The following OR2T6 variants were observed in gnomAD, a reference collection of about 807,000 sequenced individuals.
OR2T6 encodes the protein olfactory receptor 2T6.
For missense variants in OR2T6, 424 were observed against 391.6 expected (o/e 1.08, Z -0.70); for synonymous variants, 174 against 148.0 (o/e 1.18, Z -1.27).
At position 248,391,669 on chromosome 1, in the gene OR2T6, C is replaced by A. The variant is rs1450277821; in HGVS notation, c.*3134C>A. ...ATCAAAATTGATTCATCTATTGTAA[C>A]AAATGTACTACACTAATGCCAGATG... On this transcript the variant is annotated 3_prime_UTR_variant, in exon 3 of 3. Coordinates refer to ENST00000641644, the MANE Select transcript of OR2T6 (RefSeq NM_001005471.2). The A allele has an allele frequency of 6.6e-6, 1 of 152,050 alleles. No individual in the cohort carries two copies. The highest frequency in any genetic ancestry group is 1.5e-5 in the Non-Finnish European group (1 of 68,024). The allele number at this position is 152,050 out of a possible 1,614,324, so 9.4% of individuals were successfully genotyped here. A position where few individuals can be genotyped will look rare whatever the true frequency, so the allele number is the denominator to read the frequency against.
In OR2T6 at chr1:248,389,325, C is replaced by A. The variant is rs1359362220; in HGVS notation, c.*790C>A. On this transcript the variant is annotated 3_prime_UTR_variant, in exon 3 of 3. Coordinates refer to ENST00000641644, the MANE Select transcript of OR2T6 (RefSeq NM_001005471.2). ...CTAGCATTTTTAAACTTTTGGGATC[C>A]CTGTGCAGATGTTAGTGTTGTTGGA... The A allele has an allele frequency of 6.6e-6, 1 of 152,024 alleles. No homozygotes were observed. Among genetic ancestry groups the A allele is most frequent in the African/African-American group, 2.4e-5 (1 of 41,384 alleles). The allele number at this position is 152,024 out of a possible 1,614,324, so 9.4% of individuals were successfully genotyped here.
chr1:248,377,680 C>A (rs1412228360), intron 1 of OR2T6, among the ~76,000 whole-genome samples: 1 of 152,216 alleles, frequency 6.6e-6, no homozygotes, highest in Non-Finnish European at 1.5e-5. Context: ...GCATGAAATA[C>A]AAAGTTCATA....
At chr1:248,383,907 C>T (rs368468833) in intron 1 of OR2T6, among the ~76,000 whole-genome samples, 4 of 46,046 alleles carry the variant, frequency 8.7e-5, no homozygotes, top group Admixed American at 2.1e-4. Flanking sequence ...TCATCCTCTC[C>T]TGAAGTGTTT....
chr1:248,378,970 C>T (rs1041202149), intron 1 of OR2T6, among the ~76,000 whole-genome samples: 2 of 152,062 alleles, frequency 1.3e-5, no homozygotes, highest in Admixed American at 1.3e-4. Flanking sequence ...GCCAGAAGTT[C>T]AAGACCAGCC....
chr1:248,384,032 T>C (rs77795510), intron 1 of OR2T6, among the ~76,000 whole-genome samples: 1,213 of 17,196 alleles, frequency 0.071, 12 homozygotes, highest in Admixed American at 0.099. Flanking sequence ...CCTGAGTGTG[T>C]TCATCCTATC....
chr1:248,382,311 G>T (rs938668839), intron 1 of OR2T6, among the ~76,000 whole-genome samples: 1 of 152,138 alleles, frequency 6.6e-6, no homozygotes, highest in African/African-American at 2.4e-5. Flanking sequence ...TTTATTAGAT[G>T]CTGCCAGATG....
rs756676242 is a variant in OR2T6, at chr1:248,387,980, G to A, written c.372G>A (p.Val124=). The part of the protein sequence containing the change: ...LLGLMAYDRY[V]AICNPLRYPV... The stretch of plus-strand genomic sequence containing the variant: ...GGCTCATGGCCTATGACCGCTACGT[G>A]GCCATCTGCAACCCACTGCGCTATC... The change falls in exon 3 of 3, where the codon GTG becomes GTA. Residue 124 remains valine, a synonymous_variant. Transcript: ENST00000641644. The A allele has an allele frequency of 1.2e-6, 2 of 1,610,262 alleles. No homozygotes were observed. Among genetic ancestry groups the A allele is most frequent in the Non-Finnish European group, 1.7e-6 (2 of 1,178,034 alleles).
rs1234932508 is a variant in OR2T6 at position 248,389,329 on chromosome 1, T to G, written c.*794T>G. ...CATTTTTAAACTTTTGGGATCCCTGTGCAGATGTTAGTGTTGTTGGAGCTA... is the reference window on the plus strand; with the variant it reads ...CATTTTTAAACTTTTGGGATCCCTGGGCAGATGTTAGTGTTGTTGGAGCTA... On this transcript the variant is annotated 3_prime_UTR_variant, in exon 3 of 3. Coordinates refer to ENST00000641644, the MANE Select transcript of OR2T6 (RefSeq NM_001005471.2). The G allele has an allele frequency of 7.2e-5, 11 of 152,214 alleles. No homozygotes were observed. Among genetic ancestry groups the G allele is most frequent in the Non-Finnish European group, 1.6e-4 (11 of 68,036 alleles). The allele number at this position is 152,214 out of a possible 1,614,324, so 9.4% of individuals were successfully genotyped here.
chr1:248,381,969 G>C (rs1233774362), intron 1 of OR2T6, among the ~76,000 whole-genome samples: 2 of 152,092 alleles, frequency 1.3e-5, no homozygotes, highest in Non-Finnish European at 2.9e-5. Flanking sequence ...GCACATTCTA[G>C]ATACTAGTCT....
At chr1:248,379,629 T>C (rs957741648) in intron 1 of OR2T6, among the ~76,000 whole-genome samples, 1 of 152,198 alleles carries the variant, frequency 6.6e-6, no homozygotes, top group African/African-American at 2.4e-5. Context: ...GAAATATTTA[T>C]ATATGTGAAC....
intron 1 of OR2T6, 117 bp from the exon 2 acceptor site, chr1:248,384,594 G>C (rs1661101976): frequency 9.9e-6 from 1 of 101,146 alleles, no homozygotes; most frequent in African/African-American, 3.0e-5. Flanking sequence ...ATCCTGAAGT[G>C]TTTCCTAGTG....
rs1661167342 is a variant in OR2T6 at position 248,387,776 on chromosome 1, C to T, written c.168C>T (p.His56=). ...IFLINIDPHL[H]TPMYFLLSHL... ...TGATTAACATAGACCCTCATCTCCA[C>T]ACCCCCATGTACTTCCTCCTCAGCC... The change falls in exon 3 of 3, where the codon CAC becomes CAT. Residue 56 remains histidine (H), a synonymous_variant. Coordinates refer to ENST00000641644, the MANE Select transcript of OR2T6 (RefSeq NM_001005471.2). 2 of 1,613,146 alleles carry T rather than the reference C, an allele frequency of 1.2e-6. No homozygotes were observed. Among genetic ancestry groups the T allele is most frequent in the African/African-American group, 1.3e-5 (1 of 74,900 alleles).
Position 248,388,698 on chromosome 1 carries a change from G to T in OR2T6, c.*163G>T. On this transcript the variant is annotated 3_prime_UTR_variant, in exon 3 of 3. Coordinates refer to ENST00000641644, the MANE Select transcript of OR2T6 (RefSeq NM_001005471.2). ...TATCAACAGTACCCCCATCAAAAAT[G>T]GGAAGTTGCTGTAACAGTCACACAC... 2.0e-6 allele frequency: 1 copy of T among 499,690 alleles called. No homozygotes were observed. Among genetic ancestry groups the T allele is most frequent in the South Asian group, 5.3e-5 (1 of 18,764 alleles). 31.0% of individuals were successfully genotyped at this position (499,690 alleles called of 1,614,324 possible).
intron 1 of OR2T6, among the ~76,000 whole-genome samples, chr1:248,377,078 C>T (rs1478645408): frequency 1.3e-5 from 2 of 152,154 alleles, no homozygotes; most frequent in East Asian, 1.9e-4. Context: ...TTCTTGCTAT[C>T]GTGTGATGGT....
At chr1:248,382,638 T>A (rs1435539182) in intron 1 of OR2T6, among the ~76,000 whole-genome samples, 1 of 150,608 alleles carries the variant, frequency 6.6e-6, no homozygotes, top group Non-Finnish European at 1.5e-5. Flanking sequence ...GTTCAAGCGA[T>A]CCTCCCACCT....
Position 248,388,387 on chromosome 1 carries a change from C to T in OR2T6, c.779C>T (p.Thr260Met), listed in dbSNP as rs374088269. 201 of 1,613,400 alleles carry T rather than the reference C, an allele frequency of 1.2e-4. No homozygotes were observed. Among genetic ancestry groups the T allele is most frequent in the Non-Finnish European group, 1.5e-4 (178 of 1,179,712 alleles). ...TATGGGGCTGCCTTGTATACGTATA[C>T]GCTTCCCCAATCTTACCACACCCCA... is the stretch of plus-strand genomic sequence containing the variant. The part of the protein sequence containing the change: ...LFYGAALYTY[T>M]LPQSYHTPIK... The change falls in exon 3 of 3, where the codon ACG becomes ATG. Residue 260 changes from threonine to methionine, a missense_variant. Coordinates refer to ENST00000641644, the MANE Select transcript of OR2T6 (RefSeq NM_001005471.2).
rs556202724 is a variant in OR2T6, at chr1:248,391,074, T to C, written c.*2539T>C. On this transcript the variant is annotated 3_prime_UTR_variant, in exon 3 of 3. Coordinates refer to ENST00000641644, the MANE Select transcript of OR2T6 (RefSeq NM_001005471.2). ...ACTCTCTTGTACAGCCACTTTGGAA[T>C]ACAGTTTGACAGTTTCTTACAATAT... 74 of 152,336 alleles carry C rather than the reference T, an allele frequency of 4.9e-4. No homozygotes were observed. The highest frequency in any genetic ancestry group is 1.6e-3 in the African/African-American group (67 of 41,576). The allele number at this position is 152,336 out of a possible 1,614,324, so 9.4% of individuals were successfully genotyped here. A position where few individuals can be genotyped will look rare whatever the true frequency, so the allele number is the denominator to read the frequency against.
At position 248,387,971 on chromosome 1, in the gene OR2T6, C is replaced by A. The variant is rs918947541; in HGVS notation, c.363C>A (p.Asp121Glu). The A allele has an allele frequency of 6.2e-7, 1 of 1,608,738 alleles. No homozygotes were observed. Among genetic ancestry groups the A allele is most frequent in the East Asian group, 2.2e-5 (1 of 44,840 alleles). The part of the protein sequence containing the change: ...EFFLLGLMAY[D>E]RYVAICNPLR... ...TCCTGCTGGGGCTCATGGCCTATGACCGCTACGTGGCCATCTGCAACCCAC... is the reference window on the plus strand; with the variant it reads ...TCCTGCTGGGGCTCATGGCCTATGAACGCTACGTGGCCATCTGCAACCCAC... The change falls in exon 3 of 3, where the codon GAC becomes GAA. Residue 121 changes from aspartate (D) to glutamate (E), a missense_variant. Coordinates refer to ENST00000641644, the MANE Select transcript of OR2T6 (RefSeq NM_001005471.2).
At chr1:248,381,418 G>T (rs1341585144) in intron 1 of OR2T6, among the ~76,000 whole-genome samples, 1 of 151,876 alleles carries the variant, frequency 6.6e-6, no homozygotes, top group East Asian at 1.9e-4. Flanking sequence ...TATTGTTAAT[G>T]GTATCTTCTG....
Sources: gnomAD v4.1 joint callset for allele counts (sites outside exome capture counted in the v4.1 genomes callset) on GRCh38, gnomAD v4.1.1 for gene constraint, MANE v1.5 for transcripts, NCBI Gene and HGNC (gene_info 2026-07-23, HGNC 2026-07-21) for gene names.